RABGAP1L: variants seen among roughly 807,000 people sequenced by gnomAD.
RABGAP1L encodes rab GTPase-activating protein 1-like.
A neutral mutation model predicts 137.7 loss-of-function variants in RABGAP1L; 63 were observed. The observed-to-expected ratio is 0.46, with a 90% CI of 0.37 to 0.56. The LOEUF (loss-of-function observed/expected upper bound fraction) is 0.56, where lower values mean the gene tolerates loss of function less well. RABGAP1L is among the 20% of genes least tolerant of loss of function. The pLI, the probability that RABGAP1L is intolerant of heterozygous loss-of-function variation, is 0.00. For synonymous variants in RABGAP1L, 431 were observed against 433.7 expected (o/e 0.99, Z 0.08); for missense variants, 1,095 against 1,244.0 (o/e 0.88, Z 1.80).
At chr1:174,767,356 T>G (rs1420231058) in intron 18 of RABGAP1L, among the ~76,000 whole-genome samples, 1 of 152,228 alleles carries the variant, frequency 6.6e-6, no homozygotes, top group East Asian at 1.9e-4. Flanking sequence ...AGGTCTTATT[T>G]AATTTTTTTT....
chr1:174,662,247 A>T (rs2148422733), intron 14 of RABGAP1L, among the ~76,000 whole-genome samples: 1 of 151,368 alleles, frequency 6.6e-6, no homozygotes, highest in South Asian at 2.1e-4. Flanking sequence ...GGGATTACAG[A>T]TGTGTACCAC....
At chr1:174,589,502 C>G (rs1669386591) in intron 13 of RABGAP1L, among the ~76,000 whole-genome samples, 1 of 152,098 alleles carries the variant, frequency 6.6e-6, no homozygotes, top group African/African-American at 2.4e-5. Flanking sequence ...GTTGCTTGTG[C>G]TCGTGGGGTA....
chr1:174,849,262 G>A (rs1210279126), intron 19 of RABGAP1L, among the ~76,000 whole-genome samples: 2 of 152,086 alleles, frequency 1.3e-5, no homozygotes, highest in African/African-American at 2.4e-5. Context: ...ACAGTCTTAA[G>A]AGTCAGGAAA....
intron 19 of RABGAP1L, among the ~76,000 whole-genome samples, chr1:174,946,561 A>G (rs776708327): frequency 6.6e-6 from 1 of 152,078 alleles, no homozygotes; most frequent in Non-Finnish European, 1.5e-5. Flanking sequence ...TATAAAACGG[A>G]TATAGTAACA....
chr1:174,971,570 TATCTAGATGAAAGA>T lies in RABGAP1L; in HGVS notation c.2544+2200_2544+2213del, dbSNP rs143631653. 8.2e-3 allele frequency among the ~76,000 whole-genome samples: 1,244 copies of T among 152,358 alleles called. 65 individuals are homozygous for T. The East Asian group carries it at 0.16, about 19-fold the overall frequency. On this transcript the variant is annotated intron_variant, in intron 21 of 25. Transcript: ENST00000681986. Reference sequence around the variant, plus strand: ...CTGGACCCTCCCTTTGGGAGCTTTTTATCTAGATGAAAGAATCTAGATGAAAGAATAAAAACTGC... The same window carrying T: ...CTGGACCCTCCCTTTGGGAGCTTTTTATCTAGATGAAAGAATAAAAACTGC...
At chr1:174,826,308 G>T (rs543829756) in intron 19 of RABGAP1L, among the ~76,000 whole-genome samples, 1 of 152,040 alleles carries the variant, frequency 6.6e-6, no homozygotes, top group East Asian at 1.9e-4. Context: ...CTTCCCTCAC[G>T]CCTCTCGGGT....
At chr1:174,670,686 A>G (rs551111159) in intron 14 of RABGAP1L, among the ~76,000 whole-genome samples, 4 of 152,306 alleles carry the variant, frequency 2.6e-5, no homozygotes, top group South Asian at 2.1e-4. Flanking sequence ...TTCACTTAAC[A>G]TAATGATCTC....
intron 4 of RABGAP1L, among the ~76,000 whole-genome samples, chr1:174,236,385 T>C (rs1331338677): frequency 2.3e-5 from 3 of 130,174 alleles, no homozygotes; most frequent in Non-Finnish European, 3.3e-5. Context: ...GGATCTTTCC[T>C]GCTTTCTCTT....
intron 13 of RABGAP1L, among the ~76,000 whole-genome samples, chr1:174,439,007 G>A (rs993789299): frequency 1.3e-5 from 2 of 150,402 alleles, no homozygotes; most frequent in Admixed American, 1.3e-4. Context: ...AGACATTTTA[G>A]TATTTCTTAT....
Position 174,919,420 on chromosome 1 carries a change from G to A in RABGAP1L, c.2341-38037G>A, listed in dbSNP as rs566226379. Among the ~76,000 whole-genome samples the A allele has an allele frequency of 6.6e-5, 10 of 152,296 alleles. No homozygotes were observed. The South Asian group carries it at 1.2e-3, about 19-fold the overall frequency. On this transcript the variant is annotated intron_variant, in intron 19 of 25. Transcript: ENST00000681986. The stretch of plus-strand genomic sequence containing the variant: ...CTGAAACACCTACTTCGGCTTCTCC[G>A]TATGTCTTGAGCTTCTTCACAGCAT...
At chr1:174,850,187 C>T (rs1407278460) in intron 19 of RABGAP1L, 6 of 393,958 alleles carry the variant, frequency 1.5e-5, no homozygotes, top group African/African-American at 8.3e-5. Context: ...AACATGATGC[C>T]CTCAGGTTTA....
In RABGAP1L at chr1:174,213,688, G is replaced by A. The variant is rs560891660; in HGVS notation, c.-33-5437G>A. On this transcript the variant is annotated intron_variant, in intron 1 of 25. Coordinates refer to ENST00000681986, the MANE Select transcript of RABGAP1L (RefSeq NM_001366446.1). ...ATGGTTCAACAGACACATATCAATC[G>A]GTGTGATACATCATATCAACAGAAT... 1.6e-4 allele frequency among the ~76,000 whole-genome samples: 25 copies of A among 152,186 alleles called. 1 individual carries two copies. Among genetic ancestry groups the A allele is most frequent in the Non-Finnish European group, 2.5e-4 (17 of 67,996 alleles).
intron 13 of RABGAP1L, among the ~76,000 whole-genome samples, chr1:174,604,587 G>A (rs1670642366): frequency 6.6e-6 from 1 of 152,088 alleles, no homozygotes; most frequent in Non-Finnish European, 1.5e-5. Context: ...TCCTGTGGAG[G>A]GGATAATCAT....
In RABGAP1L at chr1:174,772,567, CAAAAAAAAAAA is replaced by C. The variant is rs60690186; in HGVS notation, c.2211+20228_2211+20238del. On this transcript the variant is annotated intron_variant, in intron 18 of 25. Transcript: ENST00000681986. ...TGGGCAACAGAGCAAGACTCCATCTCAAAAAAAAAAAAAAAAAAAAAAAAAGTACAGTTTTA... is the reference window on the plus strand; with the variant it reads ...TGGGCAACAGAGCAAGACTCCATCTCAAAAAAAAAAAAAAGTACAGTTTTA... 2.0e-3 allele frequency among the ~76,000 whole-genome samples: 106 copies of C among 53,076 alleles called. 1 individual carries two copies. Among genetic ancestry groups the C allele is most frequent in the Non-Finnish European group, 1.3e-3 (38 of 29,830 alleles). The allele number at this position is 53,076 out of a possible 152,430, so 34.8% of individuals were successfully genotyped here. A position where few individuals can be genotyped will look rare whatever the true frequency, so the allele number is the denominator to read the frequency against.
intron 17 of RABGAP1L, among the ~76,000 whole-genome samples, chr1:174,749,387 A>G (rs753552312): frequency 6.6e-6 from 1 of 151,100 alleles, no homozygotes; most frequent in Non-Finnish European, 1.5e-5. Flanking sequence ...CTGGAGTGCA[A>G]TGGTGTGATC....
intron 13 of RABGAP1L, among the ~76,000 whole-genome samples, chr1:174,586,005 C>T (rs569992994): frequency 1.7e-4 from 26 of 152,054 alleles, no homozygotes; most frequent in Non-Finnish European, 3.2e-4. Context: ...TCCATTTAAC[C>T]CAGCAATCCC....
chr1:174,895,644 C>T (rs1384832368), intron 19 of RABGAP1L, among the ~76,000 whole-genome samples: 1 of 151,900 alleles, frequency 6.6e-6, no homozygotes, highest in African/African-American at 2.4e-5. Flanking sequence ...TTCCTGGGTC[C>T]AAGTGTTCTC....
Position 174,799,952 on chromosome 1 carries a change from A to G in RABGAP1L, c.2212-11880A>G, listed in dbSNP as rs375996601. The G allele has an allele frequency of 3.3e-3, 552 of 166,532 alleles. 1 individual carries two copies. The highest frequency in any genetic ancestry group is 7.9e-3 in the East Asian group (2 of 254). 10.3% of individuals were successfully genotyped at this position (166,532 alleles called of 1,614,324 possible). A position where few individuals can be genotyped will look rare whatever the true frequency, so the allele number is the denominator to read the frequency against. On this transcript the variant is annotated intron_variant, in intron 18 of 25. Transcript: ENST00000681986. ...CTCGCACACACACACACACACACAC[A>G]CACACACACACACACACACACACAC...
At chr1:174,162,035 A>ATT (rs5778796) in intron 1 of RABGAP1L, among the ~76,000 whole-genome samples, 5 of 141,528 alleles carry the variant, frequency 3.5e-5, no homozygotes, top group South Asian at 2.3e-4. Context: ...TGCTTGTCCC[A>ATT]TTTTTTTTTT....
Sources: gnomAD v4.1 joint callset for allele counts (sites outside exome capture counted in the v4.1 genomes callset) on GRCh38, gnomAD v4.1.1 for gene constraint, MANE v1.5 for transcripts, NCBI Gene and HGNC (gene_info 2026-07-23, HGNC 2026-07-21) for gene names.